CCDC171: variants seen among roughly 807,000 people sequenced by gnomAD.
CCDC171 encodes the protein coiled-coil domain-containing protein 171.
CCDC171 carries 177 observed loss-of-function variants against 168.2 expected under a neutral mutation model. The ratio of observed to expected loss-of-function variants is 1.05; its 90% CI spans 0.93 to 1.19. CCDC171 has a LOEUF of 1.19. CCDC171 is among the 50% of genes most tolerant of loss of function. The pLI is 0.00. For synonymous variants in CCDC171, 687 were observed against 540.8 expected, an observed-to-expected ratio of 1.27 and a Z score of -3.75; for missense variants, 1,991 against 1,539.0, an observed-to-expected ratio of 1.29 and a Z score of -4.91.
chr9:15,742,470 C>G (rs146640111), intron 16 of CCDC171, among the ~76,000 whole-genome samples: 3 of 152,336 alleles, frequency 2.0e-5, no homozygotes, highest in African/African-American at 7.2e-5. Flanking sequence ...TTTAATATAG[C>G]TATAAGCCAA....
intron 24 of CCDC171, among the ~76,000 whole-genome samples, chr9:15,905,402 C>T (rs1359583079): frequency 6.6e-6 from 1 of 152,160 alleles, no homozygotes; most frequent in African/African-American, 2.4e-5. Context: ...GGAAACTGAA[C>T]AACCTGCTCC....
At chr9:15,789,973 T>C (rs1294585787) in intron 21 of CCDC171, among the ~76,000 whole-genome samples, 1 of 152,158 alleles carries the variant, frequency 6.6e-6, no homozygotes, top group African/African-American at 2.4e-5. Flanking sequence ...GGTGTATATG[T>C]GCCACCTTTT....
At chr9:16,059,593 C>A (rs1193889515) in intron 1 of CCDC171, among the ~76,000 whole-genome samples, 1 of 145,302 alleles carries the variant, frequency 6.9e-6, no homozygotes, top group Non-Finnish European at 1.5e-5. Context: ...CGGCTCACTG[C>A]AAGCTCCGCT....
At chr9:15,957,868 G>A (rs1266421142) in intron 25 of CCDC171, among the ~76,000 whole-genome samples, 1 of 151,940 alleles carries the variant, frequency 6.6e-6, no homozygotes, top group Non-Finnish European at 1.5e-5. Context: ...TTTCTTAGTG[G>A]CCTAAGGTAA....
intron 6 of CCDC171, among the ~76,000 whole-genome samples, chr9:16,024,972 T>C (rs1269228607): frequency 2.6e-5 from 4 of 152,312 alleles, no homozygotes; most frequent in Non-Finnish European, 2.9e-5. Context: ...GGACTTTCCA[T>C]TTTAAAACCA....
chr9:15,785,129 A>T (rs2057874083), intron 21 of CCDC171, among the ~76,000 whole-genome samples: 1 of 151,956 alleles, frequency 6.6e-6, no homozygotes, highest in Non-Finnish European at 1.5e-5. Flanking sequence ...GGGAGAAGGG[A>T]GGTTTGGTTA....
At chr9:15,952,327 T>G (rs187114840) in intron 25 of CCDC171, among the ~76,000 whole-genome samples, 1 of 152,298 alleles carries the variant, frequency 6.6e-6, no homozygotes. Flanking sequence ...CCTCCAACTT[T>G]GTTCTCCTTT....
chr9:15,882,189 A>T (rs920036097), intron 24 of CCDC171, among the ~76,000 whole-genome samples: 1 of 152,164 alleles, frequency 6.6e-6, no homozygotes. Context: ...TGTGATAGTT[A>T]ATGATGTTGA....
intron 5 of CCDC171, among the ~76,000 whole-genome samples, chr9:15,593,253 T>G (rs559253533): frequency 1.3e-5 from 2 of 152,312 alleles, no homozygotes; most frequent in Non-Finnish European, 2.9e-5. Flanking sequence ...TTCTCTCGCA[T>G]GTAAACTATA....
chr9:15,841,515 T>C (rs2060679126), intron 21 of CCDC171, among the ~76,000 whole-genome samples: 1 of 152,018 alleles, frequency 6.6e-6, no homozygotes, highest in South Asian at 2.1e-4. Flanking sequence ...TATTTGAGTT[T>C]CAGCTTCAGT....
At chr9:15,783,883 C>G (rs141678221) in intron 20 of CCDC171, among the ~76,000 whole-genome samples, 1 of 152,168 alleles carries the variant, frequency 6.6e-6, no homozygotes, top group Non-Finnish European at 1.5e-5. Flanking sequence ...GTGCCAGGCA[C>G]TCTTCTCTAT....
At chr9:15,889,359 T>A (rs1419798079) in intron 24 of CCDC171, among the ~76,000 whole-genome samples, 4 of 152,164 alleles carry the variant, frequency 2.6e-5, no homozygotes, top group African/African-American at 9.7e-5. Flanking sequence ...AAAGGACATA[T>A]ACTGTTGTTT....
intron 18 of CCDC171, among the ~76,000 whole-genome samples, chr9:15,749,568 C>T (rs184870505): frequency 2.6e-5 from 4 of 152,004 alleles, no homozygotes; most frequent in African/African-American, 7.2e-5. Context: ...CCACATAATT[C>T]GAAGTAAAAC....
intron 7 of CCDC171, among the ~76,000 whole-genome samples, chr9:15,628,205 C>G (rs539210402): frequency 2.2e-4 from 33 of 152,220 alleles, no homozygotes; most frequent in Admixed American, 7.2e-4. Context: ...ACACCGTGCA[C>G]CAGCCGAAGC....
chr9:15,991,244 G>A (rs111866947), intron 3 of CCDC171, among the ~76,000 whole-genome samples: 11,602 of 152,002 alleles, frequency 0.076, 1,455 homozygotes, highest in African/African-American at 0.27. Context: ...AGACCACAGT[G>A]CGATCAAACT....
intron 25 of CCDC171, among the ~76,000 whole-genome samples, chr9:15,952,181 A>C (rs1049308697): frequency 6.6e-5 from 10 of 152,112 alleles, no homozygotes; most frequent in Admixed American, 5.9e-4. Flanking sequence ...GTCAAAACTC[A>C]TTTGACCATT....
chr9:15,570,395 TC>T (rs142155836), intron 2 of CCDC171, among the ~76,000 whole-genome samples: 3,776 of 152,164 alleles, frequency 0.025, 156 homozygotes, highest in African/African-American at 0.087. Context: ...GTTTTTTTTT[TC>T]CCCTCTTCTA....
At position 15,910,552 on chromosome 9, in the gene CCDC171, CT is replaced by C. The variant is rs938857788; in HGVS notation, c.3601-9711del. Among the ~76,000 whole-genome samples the C allele has an allele frequency of 5.9e-5, 9 of 152,020 alleles. No individual in the cohort carries two copies. The East Asian group carries it at 1.7e-3, about 29-fold the overall frequency. ...TAGGATTGCTTTGGCTATTAGGGCT[CT>C]TTTTTTAATATACTTTAAGTTCTGG... On this transcript the variant is annotated intron_variant, in intron 24 of 25. Coordinates refer to ENST00000380701, the MANE Select transcript of CCDC171 (RefSeq NM_173550.4).
At chr9:15,804,171 T>A (rs2058964965) in intron 21 of CCDC171, among the ~76,000 whole-genome samples, 1 of 152,198 alleles carries the variant, frequency 6.6e-6, no homozygotes, top group Admixed American at 6.5e-5. Context: ...TTATGTCATC[T>A]GCAAACAAAG....
Sources: allele counts gnomAD v4.1 joint callset (sites outside exome capture counted in the v4.1 genomes callset), GRCh38; gene constraint gnomAD v4.1.1; transcripts MANE v1.5; gene names NCBI Gene and HGNC (gene_info 2026-07-23, HGNC 2026-07-21).